The following LAPTM4B variants were observed in gnomAD, a reference collection of about 807,000 sequenced individuals.
LAPTM4B encodes the protein lysosomal-associated transmembrane protein 4B.
LAPTM4B carries 26 observed loss-of-function variants against 28.5 expected under a neutral mutation model. That is an observed-to-expected ratio of 0.91 (90% CI 0.67 to 1.27). The LOEUF (loss-of-function observed/expected upper bound fraction) is 1.27, where lower values mean the gene tolerates loss of function less well. LAPTM4B is among the 50% of genes most tolerant of loss of function. The probability of loss-of-function intolerance (pLI) is 0.00; values close to 1 mark genes in which losing one functional copy is unlikely to be tolerated. For missense variants in LAPTM4B, 288 were observed against 285.8 expected (o/e 1.01, Z -0.06); for synonymous variants, 109 against 106.4 (o/e 1.02, Z -0.15).
At chr8:97,808,402 C>A (rs571726590) in intron 2 of LAPTM4B, among the ~76,000 whole-genome samples, 1 of 151,746 alleles carries the variant, frequency 6.6e-6, no homozygotes, top group East Asian at 2.0e-4. Flanking sequence ...GAGCCGAGAT[C>A]GCGCCATTGC....
In LAPTM4B at chr8:97,835,734, G is replaced by A. The variant is rs569219909; in HGVS notation, c.603+10581G>A. Among the ~76,000 whole-genome samples the A allele has an allele frequency of 9.2e-5, 14 of 152,294 alleles. No homozygotes were observed. The South Asian group carries it at 2.7e-3, about 29-fold the overall frequency. ...TTGGAGCCCCCTTTCTTTTAGGGCA[G>A]TGTTATGAAAATCACATGGTGGGTG... On this transcript the variant is annotated intron_variant, in intron 6 of 6. Coordinates refer to ENST00000521545, the MANE Select transcript of LAPTM4B (RefSeq NM_018407.6).
Position 97,831,252 on chromosome 8 carries a change from A to C in LAPTM4B, c.603+6099A>C, listed in dbSNP as rs12542727. On this transcript the variant is annotated intron_variant, in intron 6 of 6. Transcript: ENST00000521545. ...GGAGGTAGGAAGACCAAATTGAGGA[A>C]TTATGTCAGTTAGGCAAGAAATGCC... is the stretch of plus-strand genomic sequence containing the variant. 9.0e-3 allele frequency among the ~76,000 whole-genome samples: 1,378 copies of C among 152,290 alleles called. 83 individuals are homozygous for C. Among genetic ancestry groups the C allele is most frequent in the Admixed American group, 0.083 (1,271 of 15,284 alleles).
chr8:97,790,650 T>C (rs957806534), intron 1 of LAPTM4B, among the ~76,000 whole-genome samples: 4 of 151,960 alleles, frequency 2.6e-5, no homozygotes, highest in African/African-American at 9.7e-5. Context: ...TTCACCACAT[T>C]GGCCAGGGTA....
In LAPTM4B at chr8:97,819,198, T is replaced by A. The variant is rs368524846; in HGVS notation, c.467T>A (p.Leu156His). The A allele has an allele frequency of 6.8e-5, 109 of 1,608,218 alleles. No individual in the cohort carries two copies. The highest frequency in any genetic ancestry group is 7.4e-5 in the Non-Finnish European group (87 of 1,175,886). ...TCAGTGAATCCTACCTGTTTGGTCC[T>A]TATTATTCTTCTGTTTATTAGCATT... Reference protein sequence around the residue: ...VMSVNPTCLVLIILLFISIIL... With the variant: ...VMSVNPTCLVHIILLFISIIL... Residue 156 changes from leucine (L) to histidine (H), a missense_variant, in exon 5 of 7, where the codon CTT becomes CAT. By Grantham distance (99) the Leu-to-His change is moderately conservative. Transcript: ENST00000521545.
At chr8:97,778,997 TG>T (rs1339909109) in intron 1 of LAPTM4B, among the ~76,000 whole-genome samples, 1 of 152,220 alleles carries the variant, frequency 6.6e-6, no homozygotes, top group Non-Finnish European at 1.5e-5. Context: ...TTCCCTGGTT[TG>T]TCCTAACCCT....
chr8:97,812,151 A>G (rs1486112927), intron 2 of LAPTM4B, among the ~76,000 whole-genome samples: 1 of 151,916 alleles, frequency 6.6e-6, no homozygotes, highest in East Asian at 1.9e-4. Flanking sequence ...TTTCAAAAAA[A>G]GTAGCATACT....
intron 5 of LAPTM4B, 92 bp from the exon 6 acceptor site, chr8:97,824,966 T>G: frequency 1.4e-6 from 1 of 716,874 alleles, no homozygotes; most frequent in Non-Finnish European, 2.5e-6. Context: ...CTTATGTCAA[T>G]AAAAGTTTTA....
intron 1 of LAPTM4B, among the ~76,000 whole-genome samples, chr8:97,798,156 T>G (rs1407276612): frequency 1.3e-5 from 2 of 152,288 alleles, no homozygotes; most frequent in South Asian, 2.1e-4. Context: ...ATTGAGTGAT[T>G]GCCATTTTCG....
intron 6 of LAPTM4B, among the ~76,000 whole-genome samples, chr8:97,828,048 C>T (rs1390157724): frequency 1.3e-5 from 2 of 152,130 alleles, no homozygotes. Flanking sequence ...AGGAGGCCTT[C>T]TGGATGTATA....
At chr8:97,781,278 C>CTTTTTTTTTTTTTTTTTTT (rs71271147) in intron 1 of LAPTM4B, among the ~76,000 whole-genome samples, 3 of 50,820 alleles carry the variant, frequency 5.9e-5, no homozygotes, top group Admixed American at 2.8e-4. Context: ...TGTGCCCGGC[C>CTTTTTTTTTTTTTTTTTTT]TTTTTTTTTT....
rs147058372 is a variant in LAPTM4B at position 97,825,092 on chromosome 8, G to A, written c.542G>A (p.Arg181Gln). The A allele has an allele frequency of 2.7e-5, 44 of 1,611,342 alleles. No homozygotes were observed. The highest frequency in any genetic ancestry group is 1.6e-4 in the African/African-American group (12 of 74,858). The stretch of plus-strand genomic sequence containing the variant: ...ATTAGCTGTGTTTGGAACTGCTACC[G>A]ATACATCAATGGTAGGAACTCCTCT... Reference protein sequence around the residue: ...YLISCVWNCYRYINGRNSSDV... With the variant: ...YLISCVWNCYQYINGRNSSDV... Residue 181 changes from arginine (R) to glutamine (Q), a missense_variant, in exon 6 of 7, where the codon CGA becomes CAA. Transcript: ENST00000521545.
intron 6 of LAPTM4B, among the ~76,000 whole-genome samples, chr8:97,846,825 G>T (rs1437275261): frequency 6.6e-6 from 1 of 152,144 alleles, no homozygotes; most frequent in African/African-American, 2.4e-5. Flanking sequence ...TTCCCAGACT[G>T]TTGGGATTAT....
At chr8:97,779,132 A>C (rs957455784) in intron 1 of LAPTM4B, among the ~76,000 whole-genome samples, 14 of 152,128 alleles carry the variant, frequency 9.2e-5, no homozygotes, top group African/African-American at 3.4e-4. Context: ...TCGAAGCTGC[A>C]GTGAGCTGTG....
intron 1 of LAPTM4B, among the ~76,000 whole-genome samples, chr8:97,782,911 TTTA>T (rs1488067286): frequency 2.2e-5 from 3 of 135,712 alleles, no homozygotes; most frequent in African/African-American, 9.4e-5. Context: ...TTGTATTTTA[TTTA>T]TTTATTTATT....
At chr8:97,809,744 A>G (rs989304270) in intron 2 of LAPTM4B, among the ~76,000 whole-genome samples, 2 of 152,128 alleles carry the variant, frequency 1.3e-5, no homozygotes, top group Admixed American at 6.5e-5. Context: ...TTATCTTGAT[A>G]TCTTTTTACA....
intron 1 of LAPTM4B, among the ~76,000 whole-genome samples, chr8:97,803,407 T>C (rs1816717482): frequency 6.6e-6 from 1 of 151,642 alleles, no homozygotes; most frequent in South Asian, 2.1e-4. Context: ...GCCTCCTGAA[T>C]AGCTGGGATT....
rs770356848 is a variant in LAPTM4B at position 97,775,808 on chromosome 8, C to A, written c.-202C>A. The A allele has an allele frequency of 1.1e-5, 18 of 1,569,580 alleles. No individual in the cohort carries two copies. Among genetic ancestry groups the A allele is most frequent in the Non-Finnish European group, 1.4e-5 (16 of 1,164,674 alleles). On this transcript the variant is annotated 5_prime_UTR_variant, in exon 1 of 7. Transcript: ENST00000521545. The stretch of plus-strand genomic sequence containing the variant: ...TCCCCGTCCCCGCCGCTGCAGCGGT[C>A]GCCTTCGGAGCGAAGGGTACCGACC...
chr8:97,844,394 G>A (rs918717065), intron 6 of LAPTM4B, among the ~76,000 whole-genome samples: 2 of 152,100 alleles, frequency 1.3e-5, no homozygotes, highest in African/African-American at 4.8e-5. Flanking sequence ...TCTGCATCCC[G>A]CCAATGCTGT....
chr8:97,833,404 A>AT (rs1007819168), intron 6 of LAPTM4B, among the ~76,000 whole-genome samples: 1 of 152,170 alleles, frequency 6.6e-6, no homozygotes, highest in Admixed American at 6.5e-5. Flanking sequence ...TTTAATTGTT[A>AT]TTTTTTAAAG....
Sources: allele counts gnomAD v4.1 joint callset (sites outside exome capture counted in the v4.1 genomes callset), GRCh38; gene constraint gnomAD v4.1.1; transcripts MANE v1.5; gene names NCBI Gene and HGNC (gene_info 2026-07-23, HGNC 2026-07-21).